The following QPCTL variants were observed in gnomAD, a reference collection of about 807,000 sequenced individuals.
QPCTL encodes the protein glutaminyl-peptide cyclotransferase like.
Under a neutral mutation model 34.6 loss-of-function variants are expected in QPCTL, and 31 were observed. That is an observed-to-expected ratio of 0.90 (90% CI 0.67 to 1.21). The LOEUF is 1.21. QPCTL is among the 50% of genes most tolerant of loss of function. QPCTL has a pLI of 0.00. For synonymous variants in QPCTL, 223 were observed against 226.9 expected, an observed-to-expected ratio of 0.98 and a Z score of 0.15; for missense variants, 474 against 507.8, an observed-to-expected ratio of 0.93 and a Z score of 0.64.
chr19:45,693,290 A>G (rs1436274715), intron 1 of QPCTL, 123 bp from the exon 2 acceptor site: 1 of 1,306,302 alleles, frequency 7.7e-7, no homozygotes, highest in Non-Finnish European at 1.0e-6. Context: ...GAAGTCTCCG[A>G]TGCTGGAGGC....
chr19:45,702,054 T>C (rs937382051), intron 6 of QPCTL, 140 bp downstream of exon 6: 1 of 642,822 alleles, frequency 1.6e-6, no homozygotes, highest in Non-Finnish European at 2.7e-6. Flanking sequence ...ATCTGTAAAA[T>C]GGGGATAATA....
chr19:45,699,197 C>T (rs1967765500), intron 5 of QPCTL, among the ~76,000 whole-genome samples: 1 of 151,906 alleles, frequency 6.6e-6, no homozygotes, highest in Non-Finnish European at 1.5e-5. Context: ...CCATGCCCAG[C>T]TAATTTTTGT....
At chr19:45,701,708 T>G (rs1043142651) in intron 5 of QPCTL, 90 bp from the exon 6 acceptor site, 4 of 973,680 alleles carry the variant, frequency 4.1e-6, no homozygotes, top group Non-Finnish European at 3.1e-6. Context: ...GGGCTTTGTC[T>G]CTGGGTGCTC....
chr19:45,698,922 G>T, intron 5 of QPCTL, 22 bp downstream of exon 5: 1 of 1,603,742 alleles, frequency 6.2e-7, no homozygotes, highest in Non-Finnish European at 8.5e-7. Flanking sequence ...TGCGGAGGTG[G>T]GCCCCAGCCC....
At chr19:45,694,104 G>A (rs372160864) in intron 2 of QPCTL, among the ~76,000 whole-genome samples, 2 of 152,304 alleles carry the variant, frequency 1.3e-5, no homozygotes, top group South Asian at 4.1e-4. Context: ...TAAAGGCCAG[G>A]CGCAGTGGTT....
At position 45,698,546 on chromosome 19, in the gene QPCTL, G is replaced by C. The variant is rs763210877; in HGVS notation, c.634-1G>C. 6.2e-7 allele frequency: 1 copy of C among 1,613,862 alleles called. No individual in the cohort carries two copies. Among genetic ancestry groups the C allele is most frequent in the Non-Finnish European group, 8.5e-7 (1 of 1,179,956 alleles). On this transcript the variant is annotated splice_acceptor_variant, in intron 3 of 6. Transcript: ENST00000012049. LOFTEE classifies it high-confidence loss of function. ...TGGCCACCCCCCTGCTGCTCCCACA[G>C]GCAGCCCCGGTGACCCTGCAACTGC...
At chr19:45,700,338 C>T (rs927814065) in intron 5 of QPCTL, among the ~76,000 whole-genome samples, 33 of 149,842 alleles carry the variant, frequency 2.2e-4, no homozygotes, top group Non-Finnish European at 3.6e-4. Context: ...CTAGCTACTC[C>T]GGAGGCTCAG....
chr19:45,695,650 GT>G lies in QPCTL; in HGVS notation c.566del (p.Val189GlyfsTer17). 6.2e-7 allele frequency: 1 copy of G among 1,613,872 alleles called. No individual in the cohort carries two copies. Among genetic ancestry groups the G allele is most frequent in the Non-Finnish European group, 8.5e-7 (1 of 1,179,952 alleles). On this transcript the variant is annotated frameshift_variant, in exon 3 of 7. Transcript: ENST00000012049. LOFTEE classifies it high-confidence loss of function. ...CTTTGTAGGGGCCACGGATTCGGCT[GT>G]GCCCTGTGCCCTGCTGCTGGAGCTG... ...TPFVGATDSA[V>X]PCALLLELAQ...
Position 45,695,692 on chromosome 19 carries a change from C to G in QPCTL, c.607C>G (p.Leu203Val), listed in dbSNP as rs1022110696. 1.9e-6 allele frequency: 3 copies of G among 1,612,462 alleles called. No individual in the cohort carries two copies. In the African/African-American group the frequency reaches 4.0e-5, roughly 22 times the overall value. ...GCTGGAGCTGGCCCAAGCACTTGAC[C>G]TGGAGCTGAGCAGGGCCAAAAAACA... The part of the protein sequence containing the change: ...LLLELAQALD[L>V]ELSRAKKQAA... The change falls in exon 3 of 7, where the codon CTG becomes GTG. Residue 203 changes from leucine to valine, a missense_variant. Coordinates refer to ENST00000012049, the MANE Select transcript of QPCTL (RefSeq NM_017659.4).
In QPCTL at chr19:45,695,359, A is replaced by G. The variant is rs149050376; in HGVS notation, c.352-78A>G. ...TTTAGTGTCAACCCATCTGCTCTGC[A>G]TGGCTCAGGTCACGTGGCCCTTCTC... On this transcript the variant is annotated intron_variant, in intron 2 of 6. Coordinates refer to ENST00000012049, the MANE Select transcript of QPCTL (RefSeq NM_017659.4). 4.4e-4 allele frequency: 609 copies of G among 1,377,086 alleles called. 8 individuals are homozygous for G. The East Asian group carries it at 0.012, about 26-fold the overall frequency. The allele number at this position is 1,377,086 out of a possible 1,614,324, so 85.3% of individuals were successfully genotyped here. A position where few individuals can be genotyped will look rare whatever the true frequency, so the allele number is the denominator to read the frequency against.
chr19:45,703,220 C>G lies in QPCTL; in HGVS notation c.*171C>G. On this transcript the variant is annotated 3_prime_UTR_variant, in exon 7 of 7. Coordinates refer to ENST00000012049, the MANE Select transcript of QPCTL (RefSeq NM_017659.4). ...TCTTTCTTTTGATTGTCTCAAGCTG[C>G]CACCCTTCAAGGACAGGGAAGAGAC... 1.1e-6 allele frequency: 1 copy of G among 885,538 alleles called. No homozygotes were observed. The allele number at this position is 885,538 out of a possible 1,614,324, so 54.9% of individuals were successfully genotyped here. A position where few individuals can be genotyped will look rare whatever the true frequency, so the allele number is the denominator to read the frequency against.
At chr19:45,693,206 T>C (rs1025478776) in intron 1 of QPCTL, among the ~76,000 whole-genome samples, 7 of 152,088 alleles carry the variant, frequency 4.6e-5, no homozygotes, top group Non-Finnish European at 1.0e-4. Context: ...GGGCCTCGAT[T>C]TCCCCATCAA....
At position 45,698,905 on chromosome 19, in the gene QPCTL, G is replaced by C. The variant is rs375044464; in HGVS notation, c.886+5G>C. On this transcript the variant is annotated splice_donor_5th_base_variant and intron_variant, in intron 5 of 6. Transcript: ENST00000012049. ...TCCATCGGCTGAGGAGCATTGGTAA[G>C]GGTGAATGCGGAGGTGGGCCCCAGC... 3.1e-6 allele frequency: 5 copies of C among 1,612,890 alleles called. No homozygotes were observed. The highest frequency in any genetic ancestry group is 4.2e-6 in the Non-Finnish European group (5 of 1,179,064).
intron 2 of QPCTL, among the ~76,000 whole-genome samples, chr19:45,694,097 A>G (rs916729361): frequency 6.6e-6 from 1 of 152,168 alleles, no homozygotes; most frequent in Non-Finnish European, 1.5e-5. Context: ...AGTCATTTAA[A>G]GGCCAGGCGC....
At chr19:45,693,631 C>A in intron 2 of QPCTL, 75 bp downstream of exon 2, 2 of 1,500,774 alleles carry the variant, frequency 1.3e-6, no homozygotes, top group African/African-American at 2.8e-5. Flanking sequence ...GTTCAAGATC[C>A]CAAAGAAGCT....
At chr19:45,702,521 T>C (rs535015238) in intron 6 of QPCTL, among the ~76,000 whole-genome samples, 23 of 151,688 alleles carry the variant, frequency 1.5e-4, no homozygotes, top group African/African-American at 5.3e-4. Flanking sequence ...CCTAGCACGT[T>C]GGGAGCCTGA....
chr19:45,695,291 A>C, intron 2 of QPCTL, 146 bp from the exon 3 acceptor site: 3 of 808,736 alleles, frequency 3.7e-6, no homozygotes, highest in Admixed American at 2.9e-5. Flanking sequence ...ATCTCAAAAA[A>C]AAAAAGAAAG....
Position 45,698,561 on chromosome 19 carries a change from C to A in QPCTL, c.648C>A (p.Thr216=). The change falls in exon 4 of 7, where the codon ACC becomes ACA. Residue 216 remains threonine (T), a synonymous_variant. Transcript: ENST00000012049. The part of the protein sequence containing the change: ...SRAKKQAAPV[T]LQLLFLDGEE... ...TGCTCCCACAGGCAGCCCCGGTGAC[C>A]CTGCAACTGCTCTTCTTGGATGGTG... is the stretch of plus-strand genomic sequence containing the variant. The A allele has an allele frequency of 6.2e-7, 1 of 1,614,056 alleles. No homozygotes were observed. Among genetic ancestry groups the A allele is most frequent in the South Asian group, 1.1e-5 (1 of 91,084 alleles).
intron 2 of QPCTL, among the ~76,000 whole-genome samples, chr19:45,694,683 C>T (rs549565718): frequency 6.6e-6 from 1 of 151,960 alleles, no homozygotes; most frequent in East Asian, 2.0e-4. Flanking sequence ...ATTGGCCAGG[C>T]TGGTCTCAAA....
Sources: allele counts gnomAD v4.1 joint callset (sites outside exome capture counted in the v4.1 genomes callset), GRCh38; gene constraint gnomAD v4.1.1; transcripts MANE v1.5; gene names NCBI Gene and HGNC (gene_info 2026-07-23, HGNC 2026-07-21).